CERT1: variants seen among roughly 807,000 people sequenced by gnomAD.
CERT1 encodes ceramide transfer protein.
Under a neutral mutation model 87.9 loss-of-function variants are expected in CERT1, and 31 were observed. That is an observed-to-expected ratio of 0.35 (90% CI 0.27 to 0.48). The LOEUF (loss-of-function observed/expected upper bound fraction) is 0.48. CERT1 is among the 20% of genes least tolerant of loss of function. The pLI is 0.99. For missense variants in CERT1, 487 were observed against 758.0 expected (o/e 0.64, Z 4.20); for synonymous variants, 289 against 250.9 (o/e 1.15, Z -1.44).
intron 2 of CERT1, among the ~76,000 whole-genome samples, chr5:75,473,749 ATAAC>A: frequency 6.6e-6 from 1 of 152,364 alleles, no homozygotes; most frequent in East Asian, 1.9e-4. Context: ...TGCAAAAATG[ATAAC>A]TATGTGAGGT....
chr5:75,511,297 A>T lies in CERT1; in HGVS notation c.-90T>A. On this transcript the variant is annotated 5_prime_UTR_variant, in exon 1 of 17. Coordinates refer to ENST00000643780, the MANE Select transcript of CERT1 (RefSeq NM_001379029.1). The stretch of plus-strand genomic sequence containing the variant: ...AGTCCTCGGGGTGAAGGGTCGGGGG[A>T]TGGCGAAGCGAAGAGTGCCCGCTCC... 6.4e-7 allele frequency: 1 copy of T among 1,561,842 alleles called. No individual in the cohort carries two copies. Among genetic ancestry groups the T allele is most frequent in the Non-Finnish European group, 8.7e-7 (1 of 1,153,432 alleles).
At chr5:75,442,934 G>A (rs184739421) in intron 3 of CERT1, among the ~76,000 whole-genome samples, 176 of 152,142 alleles carry the variant, frequency 1.2e-3, no homozygotes, top group African/African-American at 4.2e-3. Context: ...AAACTTTATC[G>A]TAAGTATGTA....
chr5:75,443,411 C>A (rs1309805379), intron 3 of CERT1, among the ~76,000 whole-genome samples: 1 of 152,160 alleles, frequency 6.6e-6, no homozygotes, highest in Non-Finnish European at 1.5e-5. Context: ...CAACTCTAAG[C>A]ATTTTCTAAT....
intron 8 of CERT1, among the ~76,000 whole-genome samples, chr5:75,405,689 AT>A (rs1762674137): frequency 6.6e-6 from 1 of 152,198 alleles, no homozygotes; most frequent in South Asian, 2.1e-4. Flanking sequence ...ACAATAAGAT[AT>A]TTTGAGAGAG....
At chr5:75,426,813 C>T (rs1554039153) in intron 3 of CERT1, among the ~76,000 whole-genome samples, 5 of 152,154 alleles carry the variant, frequency 3.3e-5, no homozygotes, top group Non-Finnish European at 5.9e-5. Flanking sequence ...TTAATGGACA[C>T]AGAGTTTCAG....
intron 9 of CERT1, chr5:75,401,710 T>A (rs1000952264): frequency 6.6e-6 from 1 of 152,178 alleles, no homozygotes; most frequent in Non-Finnish European, 1.5e-5. Flanking sequence ...TCAGTAATTT[T>A]TAAAAAAATA....
chr5:75,422,286 T>C (rs1223584465), intron 5 of CERT1, among the ~76,000 whole-genome samples: 1 of 152,104 alleles, frequency 6.6e-6, no homozygotes, highest in African/African-American at 2.4e-5. Flanking sequence ...AAACTACCCC[T>C]TTACCATAAC....
intron 3 of CERT1, among the ~76,000 whole-genome samples, chr5:75,441,325 A>G (rs113297459): frequency 6.6e-6 from 1 of 152,196 alleles, no homozygotes; most frequent in African/African-American, 2.4e-5. Flanking sequence ...CCATCTATAC[A>G]TAAGTTCACT....
Position 75,399,344 on chromosome 5 carries a change from C to A in CERT1, c.1154G>T (p.Ser385Ile). 6.2e-7 allele frequency: 1 copy of A among 1,613,702 alleles called. No individual in the cohort carries two copies. Among genetic ancestry groups the A allele is most frequent in the Admixed American group, 1.7e-5 (1 of 60,014 alleles). Residue 385 changes from serine to isoleucine, a missense_variant, in exon 11 of 17, where the codon AGT (serine) becomes ATT (isoleucine). Ser to Ile is a moderately radical substitution (Grantham distance 142). Around this residue, in one of 8 missense-constraint regions of CERT1, gnomAD observed 91 missense variants for 86.7 expected, o/e 1.05. Transcript: ENST00000643780. The part of the protein sequence containing the change: ...SSSMSSIDLV[S>I]ASDDVHRFSS... ...GAATCTGTGAACATCATCAGAGGCA[C>A]TGACTAGATCAATGGAAGACATGGA...
chr5:75,504,805 C>T (rs1767577973), intron 2 of CERT1, among the ~76,000 whole-genome samples: 1 of 147,922 alleles, frequency 6.8e-6, no homozygotes. Flanking sequence ...AACCAGTATG[C>T]TATTTTTTGT....
intron 7 of CERT1, 140 bp from the exon 8 acceptor site, chr5:75,411,243 G>C (rs1580733146): frequency 1.7e-6 from 1 of 584,884 alleles, no homozygotes. Flanking sequence ...AAAAATAAGA[G>C]TATTATTCTG....
chr5:75,401,533 A>G (rs944539393), intron 9 of CERT1: 1 of 152,196 alleles, frequency 6.6e-6, no homozygotes, highest in Non-Finnish European at 1.5e-5. Flanking sequence ...CAAAAAACTA[A>G]GGGAAACAAA....
chr5:75,463,887 G>A (rs1765342171), intron 2 of CERT1, among the ~76,000 whole-genome samples: 1 of 152,108 alleles, frequency 6.6e-6, no homozygotes, highest in Non-Finnish European at 1.5e-5. Context: ...CAGGAAGCAG[G>A]TGGTTGGTTA....
chr5:75,485,640 A>T (rs1349617177), intron 2 of CERT1, among the ~76,000 whole-genome samples: 1 of 152,086 alleles, frequency 6.6e-6, no homozygotes, highest in Admixed American at 6.6e-5. Flanking sequence ...AAAAGAGAGA[A>T]GACCCAAATA....
intron 3 of CERT1, among the ~76,000 whole-genome samples, chr5:75,458,326 A>ATAAC (rs1340861672): frequency 6.6e-6 from 1 of 152,198 alleles, no homozygotes; most frequent in Non-Finnish European, 1.5e-5. Flanking sequence ...TTTACAAAGA[A>ATAAC]TAACTGATTT....
chr5:75,455,364 T>C (rs1309915773), intron 3 of CERT1, among the ~76,000 whole-genome samples: 2 of 152,214 alleles, frequency 1.3e-5, no homozygotes, highest in African/African-American at 4.8e-5. Flanking sequence ...TCCAAGAGTT[T>C]GTAGAATCCC....
In CERT1 at chr5:75,479,032, G is replaced by A. The variant is rs552065436; in HGVS notation, c.232-19851C>T. ...CAATTTTGATCATCAAAATATATAA[G>A]TACAGTAATGGATTATAACACATTC... On this transcript the variant is annotated intron_variant, in intron 2 of 16. Transcript: ENST00000643780. Among the ~76,000 whole-genome samples the A allele has an allele frequency of 2.7e-5, 4 of 145,506 alleles. No homozygotes were observed. In the South Asian group the frequency reaches 6.8e-4, roughly 25 times the overall value.
chr5:75,461,459 T>C (rs1387238231), intron 2 of CERT1, among the ~76,000 whole-genome samples: 1 of 152,148 alleles, frequency 6.6e-6, no homozygotes, highest in Non-Finnish European at 1.5e-5. Context: ...CCAAAAAGAT[T>C]GGGAAATGCT....
At chr5:75,487,560 T>G (rs966771188) in intron 2 of CERT1, among the ~76,000 whole-genome samples, 3 of 151,960 alleles carry the variant, frequency 2.0e-5, no homozygotes, top group Middle Eastern at 3.2e-3. Context: ...GAGAAAATAT[T>G]TGAAAGCTAC....
Sources: allele counts gnomAD v4.1 joint callset (sites outside exome capture counted in the v4.1 genomes callset), GRCh38; gene constraint gnomAD v4.1.1; regional missense constraint gnomAD v4.1.1; transcripts MANE v1.5; gene names NCBI Gene and HGNC (gene_info 2026-07-23, HGNC 2026-07-21).